The following SPTBN1 variants were observed in gnomAD, a reference collection of about 807,000 sequenced individuals.
The protein encoded by SPTBN1 is spectrin beta, non-erythrocytic 1.
A neutral mutation model predicts 266.4 loss-of-function variants in SPTBN1; 32 were observed. The ratio of observed to expected loss-of-function variants is 0.12; its 90% confidence interval spans 0.09 to 0.16. The LOEUF is 0.16. SPTBN1 is among the 10% of genes least tolerant of loss of function. SPTBN1 has a pLI of 1.00. For synonymous variants in SPTBN1, 1,336 were observed against 1,162.2 expected, an observed-to-expected ratio of 1.15 and a Z score of -3.04; for missense variants, 2,296 against 3,067.1, an observed-to-expected ratio of 0.75 and a Z score of 5.94.
intron 2 of SPTBN1, among the ~76,000 whole-genome samples, chr2:54,574,298 C>T (rs1320553278): frequency 6.6e-6 from 1 of 152,104 alleles, no homozygotes; most frequent in Non-Finnish European, 1.5e-5. Context: ...GTGGCGGAGC[C>T]GGCCTTTGCA....
intron 2 of SPTBN1, among the ~76,000 whole-genome samples, chr2:54,567,053 C>T (rs1463824154): frequency 1.3e-5 from 2 of 152,208 alleles, no homozygotes; most frequent in East Asian, 3.8e-4. Flanking sequence ...CAGTGAGCAG[C>T]TGTCGTCTGG....
intron 23 of SPTBN1, 126 bp from the exon 24 acceptor site, chr2:54,647,005 T>G: frequency 7.2e-7 from 1 of 1,390,430 alleles, no homozygotes; most frequent in Non-Finnish European, 9.9e-7. Context: ...CTGTCCGTAC[T>G]GCACCTCTGG....
At chr2:54,563,225 C>T (rs916009754) in intron 2 of SPTBN1, among the ~76,000 whole-genome samples, 1 of 152,128 alleles carries the variant, frequency 6.6e-6, no homozygotes, top group African/African-American at 2.4e-5. Flanking sequence ...CCAACCTGCC[C>T]CTGGAGAACT....
intron 6 of SPTBN1, 34 bp from the exon 7 acceptor site, chr2:54,618,044 G>C (rs1369421661): frequency 3.3e-6 from 5 of 1,535,602 alleles, no homozygotes; most frequent in Non-Finnish European, 3.6e-6. Context: ...TTCAAGCCAT[G>C]ATTTTTGTTG....
At chr2:54,650,766 G>C (rs1209745376) in intron 26 of SPTBN1, among the ~76,000 whole-genome samples, 2 of 152,206 alleles carry the variant, frequency 1.3e-5, no homozygotes. Context: ...TGTCATTGTA[G>C]AATAAAGCAG....
intron 32 of SPTBN1, chr2:54,662,112 G>A: frequency 1.0e-6 from 1 of 985,394 alleles, no homozygotes; most frequent in African/African-American, 1.7e-5. Flanking sequence ...TATCTCGGGT[G>A]TGCCCAGCCA....
intron 2 of SPTBN1, among the ~76,000 whole-genome samples, chr2:54,595,808 C>A (rs553672530): frequency 6.6e-6 from 1 of 152,140 alleles, no homozygotes; most frequent in Admixed American, 6.5e-5. Context: ...TCCTGTGTAC[C>A]GCAGGATGTT....
chr2:54,641,136 C>T (rs1312158278), intron 18 of SPTBN1, among the ~76,000 whole-genome samples: 1 of 152,136 alleles, frequency 6.6e-6, no homozygotes, highest in Non-Finnish European at 1.5e-5. Flanking sequence ...TTGTAAATGC[C>T]CACAAATAAT....
chr2:54,632,131 A>C (rs926110516), intron 16 of SPTBN1, among the ~76,000 whole-genome samples: 13 of 150,246 alleles, frequency 8.7e-5, no homozygotes, highest in Non-Finnish European at 1.9e-4. Context: ...TCTTGAGACC[A>C]GTCTGTCTTC....
chr2:54,599,046 G>A, intron 2 of SPTBN1, 46 bp from the exon 3 acceptor site: 1 of 1,602,134 alleles, frequency 6.2e-7, no homozygotes, highest in Non-Finnish European at 8.5e-7. Flanking sequence ...GCCTGCTCCT[G>A]CCAGTTCTGT....
At chr2:54,621,581 C>A in intron 8 of SPTBN1, 69 bp downstream of exon 8, 4 of 1,331,068 alleles carry the variant, frequency 3.0e-6, no homozygotes, top group South Asian at 1.2e-5. Flanking sequence ...TTCTCCCATG[C>A]ACTCATAAAA....
intron 30 of SPTBN1, 127 bp downstream of exon 30, chr2:54,658,173 G>C: frequency 8.2e-7 from 1 of 1,218,544 alleles, no homozygotes; most frequent in Non-Finnish European, 1.1e-6. Context: ...AAGTAGTGAA[G>C]ATCATCTTAA....
intron 1 of SPTBN1, among the ~76,000 whole-genome samples, chr2:54,513,989 A>C (rs1475507606): frequency 6.6e-6 from 1 of 152,228 alleles, no homozygotes; most frequent in Admixed American, 6.5e-5. Context: ...GATTTTAGAG[A>C]GTATTATATG....
intron 24 of SPTBN1, 36 bp from the exon 25 acceptor site, chr2:54,648,950 A>G (rs778086894): frequency 1.3e-6 from 2 of 1,524,224 alleles, no homozygotes; most frequent in Non-Finnish European, 1.8e-6. Flanking sequence ...GACATTTAAG[A>G]TCCTTTTTCT....
At chr2:54,508,244 C>T (rs530174575) in intron 1 of SPTBN1, among the ~76,000 whole-genome samples, 3 of 152,260 alleles carry the variant, frequency 2.0e-5, no homozygotes, top group East Asian at 3.9e-4. Context: ...TAAATGACCA[C>T]GGTGGCCTTC....
chr2:54,649,611 T>C lies in SPTBN1; in HGVS notation c.5203-4T>C. On this transcript the variant is annotated splice_region_variant and splice_polypyrimidine_tract_variant and intron_variant, in intron 25 of 35. Transcript: ENST00000356805. The surrounding 1 kb of genome is among the most constrained non-coding windows in gnomAD (Gnocchi z 6.7). ...TCTGATTTCCTTACCCATCCCCGTT[T>C]CAGATGTTACAAGAACGATTCCGGG... The C allele has an allele frequency of 6.2e-7, 1 of 1,604,040 alleles. No homozygotes were observed. The highest frequency in any genetic ancestry group is 8.5e-7 in the Non-Finnish European group (1 of 1,171,378).
intron 1 of SPTBN1, among the ~76,000 whole-genome samples, chr2:54,499,814 A>G (rs905079308): frequency 6.6e-6 from 1 of 152,162 alleles, no homozygotes. Flanking sequence ...TCTCACTATG[A>G]ACTAATAGTA....
Position 54,666,048 on chromosome 2 carries a change from G to T in SPTBN1, c.6793G>T (p.Ala2265Ser). ...TTTGAAAGAAGCTGTCTGCGAAGTG[G>T]CCCTTGATTACAAAAAGAAGAAACA... ...VSLKEAVCEV[A>S]LDYKKKKHVF... is the part of the protein sequence containing the mutation. The change falls in exon 34 of 36, where the codon GCC becomes TCC. Residue 2265 changes from alanine (A) to serine (S), a missense_variant. By Grantham distance (99) the Ala-to-Ser change is moderately conservative. This residue lies in a region of SPTBN1 where 347 missense variants were observed against 368.5 expected (regional missense o/e 0.94). Transcript: ENST00000356805. 6.2e-7 allele frequency: 1 copy of T among 1,612,860 alleles called. No individual in the cohort carries two copies. Among genetic ancestry groups the T allele is most frequent in the Non-Finnish European group, 8.5e-7 (1 of 1,179,710 alleles).
chr2:54,457,588 A>G (rs1025374476), intron 1 of SPTBN1, among the ~76,000 whole-genome samples: 2 of 152,114 alleles, frequency 1.3e-5, no homozygotes, highest in African/African-American at 2.4e-5. Context: ...GGCAAGATGG[A>G]TGGCTCACGG....
Sources: allele counts gnomAD v4.1 joint callset (sites outside exome capture counted in the v4.1 genomes callset), GRCh38; gene constraint gnomAD v4.1.1; regional missense constraint gnomAD v4.1.1; non-coding constraint Gnocchi (gnomAD v3.1); transcripts MANE v1.5; gene names NCBI Gene and HGNC (gene_info 2026-07-23, HGNC 2026-07-21).